FGGY: variants seen among roughly 807,000 people sequenced by gnomAD.
FGGY encodes FGGY carbohydrate kinase domain containing.
A neutral mutation model predicts 71.3 loss-of-function variants in FGGY; 72 were observed. That is an observed-to-expected ratio of 1.01 (90% confidence interval 0.84 to 1.23). The LOEUF (loss-of-function observed/expected upper bound fraction) is 1.23, where lower values mean the gene tolerates loss of function less well. Among genes scored for constraint, FGGY ranks in the 50% most tolerant of loss-of-function variants. The probability of loss-of-function intolerance (pLI) is 0.00; values close to 1 mark genes in which losing one functional copy is unlikely to be tolerated. For synonymous variants in FGGY, 251 were observed against 250.3 expected, an observed-to-expected ratio of 1.00 and a Z score of -0.02; for missense variants, 668 against 682.3, an observed-to-expected ratio of 0.98 and a Z score of 0.23.
intron 13 of FGGY, among the ~76,000 whole-genome samples, chr1:59,672,933 T>A (rs1189103400): frequency 6.6e-6 from 1 of 152,212 alleles, no homozygotes; most frequent in Non-Finnish European, 1.5e-5. Context: ...GGCATTGGCA[T>A]ATGGAGGGCT....
intron 5 of FGGY, among the ~76,000 whole-genome samples, chr1:59,453,954 T>G (rs193121229): frequency 6.6e-6 from 1 of 152,242 alleles, no homozygotes; most frequent in Admixed American, 6.5e-5. Flanking sequence ...CTTAGGGCCA[T>G]GAACTCAACC....
chr1:59,472,977 A>G lies in FGGY; in HGVS notation c.670+15901A>G, dbSNP rs149922380. Among the ~76,000 whole-genome samples the G allele has an allele frequency of 8.6e-3, 1,303 of 152,300 alleles. 16 individuals are homozygous for G. The highest frequency in any genetic ancestry group is 0.029 in the African/African-American group (1,224 of 41,562). ...TAGCTCAGGGATTGTAAACGCACCA[A>G]TCAGCACTCTGTCAAAACAGACCAC... is the stretch of plus-strand genomic sequence containing the variant. On this transcript the variant is annotated intron_variant, in intron 6 of 15. Coordinates refer to ENST00000303721, the MANE Select transcript of FGGY (RefSeq NM_018291.5).
At chr1:59,754,566 A>G (rs11580484) in intron 14 of FGGY, among the ~76,000 whole-genome samples, 7,605 of 152,232 alleles carry the variant, frequency 0.05, 301 homozygotes, top group East Asian at 0.15. Context: ...CCACAGGCAC[A>G]TGCCACCATA....
chr1:59,713,558 A>T (rs1489846523), intron 14 of FGGY, among the ~76,000 whole-genome samples: 1 of 152,234 alleles, frequency 6.6e-6, no homozygotes, highest in Non-Finnish European at 1.5e-5. Context: ...ATTCTCCTTT[A>T]TTCTGATATC....
intron 5 of FGGY, among the ~76,000 whole-genome samples, chr1:59,389,735 C>T (rs1448316444): frequency 2.6e-5 from 4 of 152,178 alleles, no homozygotes; most frequent in African/African-American, 7.2e-5. Flanking sequence ...TCCACATCCT[C>T]CCCAGCTCTT....
chr1:59,522,462 A>G (rs2094860878), intron 7 of FGGY, among the ~76,000 whole-genome samples: 1 of 152,218 alleles, frequency 6.6e-6, no homozygotes, highest in South Asian at 2.1e-4. Flanking sequence ...GTGTATTTAA[A>G]GCAGCACAGG....
intron 7 of FGGY, among the ~76,000 whole-genome samples, chr1:59,536,997 G>A (rs979823778): frequency 6.6e-6 from 1 of 151,874 alleles, no homozygotes; most frequent in Non-Finnish European, 1.5e-5. Flanking sequence ...TTCTGGCCAG[G>A]GCAATCAGGT....
chr1:59,667,145 C>A, intron 12 of FGGY, 138 bp from the exon 13 acceptor site: 1 of 1,083,050 alleles, frequency 9.2e-7, no homozygotes, highest in Non-Finnish European at 1.4e-6. Context: ...ACAACATAAT[C>A]TCTGTGAGTC....
rs1382494491 is a variant in FGGY at position 59,467,778 on chromosome 1, T to C, written c.670+10702T>C. 2.0e-5 allele frequency among the ~76,000 whole-genome samples: 3 copies of C among 152,240 alleles called. No individual in the cohort carries two copies. In the East Asian group the frequency reaches 5.8e-4, roughly 29 times the overall value. ...GTCAGATGACAAAAACACAGTCACT[T>C]GGCACATTTTAGATACTGATGAAAT... On this transcript the variant is annotated intron_variant, in intron 6 of 15. Coordinates refer to ENST00000303721, the MANE Select transcript of FGGY (RefSeq NM_018291.5).
At chr1:59,326,893 G>A (rs765005587) in intron 2 of FGGY, among the ~76,000 whole-genome samples, 6 of 152,130 alleles carry the variant, frequency 3.9e-5, no homozygotes, top group Non-Finnish European at 7.4e-5. Flanking sequence ...GCATATGAAA[G>A]TTATGTTTAC....
At chr1:59,496,759 A>C (rs939953782) in intron 6 of FGGY, among the ~76,000 whole-genome samples, 2 of 152,216 alleles carry the variant, frequency 1.3e-5, no homozygotes, top group African/African-American at 4.8e-5. Flanking sequence ...AAATGTCTAC[A>C]ATCAAATCAG....
chr1:59,436,859 G>A (rs1437029640), intron 5 of FGGY, among the ~76,000 whole-genome samples: 4 of 152,164 alleles, frequency 2.6e-5, no homozygotes, highest in African/African-American at 9.7e-5. Context: ...AGCTCTTCGG[G>A]GGTGATCTTT....
rs1475579544 is a variant in FGGY, at chr1:59,339,343, C to A, written c.202-615C>A. ...ATATGAAAAGCAAACAGTTTGATAT[C>A]TTTTTGTTTGTACTTATCTAATTGG... On this transcript the variant is annotated intron_variant, in intron 2 of 15. Transcript: ENST00000303721. Among the ~76,000 whole-genome samples the A allele has an allele frequency of 2.0e-5, 3 of 152,092 alleles. No homozygotes were observed. The East Asian group carries it at 5.8e-4, about 29-fold the overall frequency.
chr1:59,432,494 T>G (rs879331380), intron 5 of FGGY, among the ~76,000 whole-genome samples: 1 of 152,190 alleles, frequency 6.6e-6, no homozygotes, highest in Non-Finnish European at 1.5e-5. Context: ...AGTTTAGAAT[T>G]GAATTGTGGG....
chr1:59,668,167 C>A (rs1000303120), intron 13 of FGGY, among the ~76,000 whole-genome samples: 1 of 152,144 alleles, frequency 6.6e-6, no homozygotes, highest in Non-Finnish European at 1.5e-5. Context: ...TAGCAAGCCC[C>A]TAGGACCCAA....
chr1:59,370,464 CA>C (rs2057403017), intron 4 of FGGY, among the ~76,000 whole-genome samples: 1 of 152,156 alleles, frequency 6.6e-6, no homozygotes, highest in South Asian at 2.1e-4. Context: ...AGAATGGAAC[CA>C]AACTGAAAAA....
chr1:59,375,097 CAA>C (rs11290884), intron 4 of FGGY, among the ~76,000 whole-genome samples: 4,066 of 137,950 alleles, frequency 0.029, 202 homozygotes, highest in African/African-American at 0.1. Context: ...TAGTTTTCAT[CAA>C]AAAAAAAAAA....
intron 4 of FGGY, among the ~76,000 whole-genome samples, chr1:59,357,876 A>T (rs530231024): frequency 6.6e-6 from 1 of 152,182 alleles, no homozygotes; most frequent in Non-Finnish European, 1.5e-5. Flanking sequence ...CTGTGCAGGG[A>T]TGTTGGCCAC....
At chr1:59,418,971 A>G (rs1428320216) in intron 5 of FGGY, among the ~76,000 whole-genome samples, 4 of 152,192 alleles carry the variant, frequency 2.6e-5, no homozygotes, top group Non-Finnish European at 2.9e-5. Context: ...TATGGAAGCC[A>G]GAAGGGGCCT....
Sources: gnomAD v4.1 joint callset for allele counts (sites outside exome capture counted in the v4.1 genomes callset) on GRCh38, gnomAD v4.1.1 for gene constraint, MANE v1.5 for transcripts, NCBI Gene and HGNC (gene_info 2026-07-23, HGNC 2026-07-21) for gene names.